BNC2: variants seen among roughly 807,000 people sequenced by gnomAD.
BNC2 encodes the protein zinc finger protein basonuclin-2.
BNC2 carries 20 observed loss-of-function variants against 76.3 expected under a neutral mutation model. The ratio of observed to expected loss-of-function variants is 0.26; its 90% CI spans 0.18 to 0.38. The LOEUF is 0.38. Among genes scored for constraint, BNC2 ranks in the 10% least tolerant of loss-of-function variants. The pLI is 1.00. For synonymous variants in BNC2, 582 were observed against 514.8 expected, an observed-to-expected ratio of 1.13 and a Z score of -1.77; for missense variants, 1,382 against 1,399.8, an observed-to-expected ratio of 0.99 and a Z score of 0.20.
intron 3 of BNC2, among the ~76,000 whole-genome samples, chr9:16,657,030 G>A (rs1281385924): frequency 6.6e-6 from 1 of 152,138 alleles, no homozygotes; most frequent in Non-Finnish European, 1.5e-5. Context: ...TGGGGCAAGG[G>A]TAGACACTAA....
At chr9:16,592,169 T>C (rs1819948585) in intron 3 of BNC2, among the ~76,000 whole-genome samples, 1 of 151,994 alleles carries the variant, frequency 6.6e-6, no homozygotes, top group South Asian at 2.1e-4. Flanking sequence ...AAATACATCA[T>C]CTTCACAATA....
chr9:16,867,853 T>G (rs1448413756), intron 1 of BNC2: 1 of 152,106 alleles, frequency 6.6e-6, no homozygotes, highest in South Asian at 2.1e-4. Flanking sequence ...AAAGATCAAA[T>G]GAGAAAACTG....
intron 5 of BNC2, among the ~76,000 whole-genome samples, chr9:16,476,740 A>C (rs1821936630): frequency 1.3e-5 from 2 of 152,166 alleles, no homozygotes; most frequent in Non-Finnish European, 2.9e-5. Flanking sequence ...CTGAATGCTG[A>C]GTTAATCTAC....
At chr9:16,699,562 A>G (rs1340019284) in intron 3 of BNC2, among the ~76,000 whole-genome samples, 2 of 152,212 alleles carry the variant, frequency 1.3e-5, no homozygotes, top group East Asian at 3.9e-4. Flanking sequence ...GCAAGTATAA[A>G]GAACACTGTG....
At position 16,411,032 on chromosome 9, in the gene BNC2, G is replaced by A. The variant is rs908875534; in HGVS notation, c.*7957C>T. The stretch of plus-strand genomic sequence containing the variant: ...TTTGTCTCCTAGCATGGAAAAGGCA[G>A]GCAGTGAGGCTCCCACTGAAACAGT... On this transcript the variant is annotated 3_prime_UTR_variant, in exon 7 of 7. Transcript: ENST00000380672. 2 of 152,226 alleles carry A rather than the reference G, an allele frequency of 1.3e-5. No individual in the cohort carries two copies. Among genetic ancestry groups the A allele is most frequent in the Non-Finnish European group, 2.9e-5 (2 of 68,076 alleles). 9.4% of individuals were successfully genotyped at this position (152,226 alleles called of 1,614,324 possible).
At chr9:16,670,898 C>G (rs892845502) in intron 3 of BNC2, among the ~76,000 whole-genome samples, 1 of 152,184 alleles carries the variant, frequency 6.6e-6, no homozygotes, top group Non-Finnish European at 1.5e-5. Context: ...CTTATTCTAG[C>G]CGCATGAACC....
At chr9:16,566,212 G>A (rs1819163063) in intron 4 of BNC2, among the ~76,000 whole-genome samples, 1 of 152,094 alleles carries the variant, frequency 6.6e-6, no homozygotes, top group Non-Finnish European at 1.5e-5. Context: ...CCTTGATTTT[G>A]AGCAGCAACC....
At chr9:16,849,860 C>A (rs1206048330) in intron 1 of BNC2, among the ~76,000 whole-genome samples, 2 of 152,044 alleles carry the variant, frequency 1.3e-5, no homozygotes, top group Non-Finnish European at 2.9e-5. Flanking sequence ...AAAAAAAAGT[C>A]ATATTCCTCT....
intron 5 of BNC2, among the ~76,000 whole-genome samples, chr9:16,549,612 C>T (rs139253448): frequency 2.0e-4 from 31 of 152,284 alleles, no homozygotes; most frequent in African/African-American, 7.5e-4. Flanking sequence ...TTACCACATA[C>T]AATCTTTAAA....
At chr9:16,710,362 TAAGTA>T (rs1399916054) in intron 3 of BNC2, among the ~76,000 whole-genome samples, 4 of 152,234 alleles carry the variant, frequency 2.6e-5, no homozygotes, top group South Asian at 2.1e-4. Flanking sequence ...ATTGAAATTA[TAAGTA>T]AATAGCCAGA....
chr9:16,492,713 G>C (rs1354085258), intron 5 of BNC2, among the ~76,000 whole-genome samples: 2 of 148,838 alleles, frequency 1.3e-5, no homozygotes, highest in African/African-American at 2.5e-5. Flanking sequence ...GGTGGTAAAG[G>C]CCTGCCCATT....
chr9:16,414,099 C>A lies in BNC2; in HGVS notation c.*4890G>T, dbSNP rs1472734630. ...AACCAAAACCCCACAATTGTCGGCT[C>A]TTCCTGACCCCAAAGGAACTTCAGC... On this transcript the variant is annotated 3_prime_UTR_variant, in exon 7 of 7. Coordinates refer to ENST00000380672, the MANE Select transcript of BNC2 (RefSeq NM_017637.6). 6.6e-6 allele frequency: 1 copy of A among 152,230 alleles called. No homozygotes were observed. Among genetic ancestry groups the A allele is most frequent in the East Asian group, 1.9e-4 (1 of 5,188 alleles). The allele number at this position is 152,230 out of a possible 1,614,324, so 9.4% of individuals were successfully genotyped here. A position where few individuals can be genotyped will look rare whatever the true frequency, so the allele number is the denominator to read the frequency against.
At chr9:16,677,676 G>C (rs1422347128) in intron 3 of BNC2, among the ~76,000 whole-genome samples, 1 of 151,698 alleles carries the variant, frequency 6.6e-6, no homozygotes, top group Non-Finnish European at 1.5e-5. Flanking sequence ...GGAAACACAA[G>C]TGTTTCAACC....
intron 3 of BNC2, among the ~76,000 whole-genome samples, chr9:16,611,694 A>G (rs1337391): frequency 0.8 from 121,494 of 152,104 alleles, 50,772 homozygotes; most frequent in East Asian, 0.96. Context: ...CATGAAAATA[A>G]TAACTTGTAA....
chr9:16,496,710 G>T (rs191115722), intron 5 of BNC2, among the ~76,000 whole-genome samples: 111 of 152,232 alleles, frequency 7.3e-4, no homozygotes, highest in South Asian at 4.4e-3. Context: ...CAGGAGCAGG[G>T]GATCCATATC....
chr9:16,824,112 C>A (rs1343823063), intron 1 of BNC2, among the ~76,000 whole-genome samples: 1 of 152,150 alleles, frequency 6.6e-6, no homozygotes, highest in Non-Finnish European at 1.5e-5. Context: ...AAACTTCTGA[C>A]ATGGTCCTTT....
intron 1 of BNC2, among the ~76,000 whole-genome samples, chr9:16,776,873 C>A (rs1278570103): frequency 6.6e-6 from 1 of 152,082 alleles, no homozygotes. Context: ...CATCTGTAAT[C>A]CCAGCACTTT....
chr9:16,614,463 GA>G (rs57842578), intron 3 of BNC2, among the ~76,000 whole-genome samples: 31 of 146,062 alleles, frequency 2.1e-4, no homozygotes, highest in South Asian at 6.4e-4. Context: ...ACCTTTTCTT[GA>G]AAAAAAAAAA....
chr9:16,697,023 C>G (rs1321592087), intron 3 of BNC2, among the ~76,000 whole-genome samples: 2 of 152,194 alleles, frequency 1.3e-5, no homozygotes, highest in African/African-American at 4.8e-5. Context: ...TCCAACTAAG[C>G]AACCTTCTAG....
Sources: gnomAD v4.1 joint callset for allele counts (sites outside exome capture counted in the v4.1 genomes callset) on GRCh38, gnomAD v4.1.1 for gene constraint, MANE v1.5 for transcripts, NCBI Gene and HGNC (gene_info 2026-07-23, HGNC 2026-07-21) for gene names.